KCTD1: variants seen among roughly 807,000 people sequenced by gnomAD.
KCTD1 encodes the protein BTB/POZ domain-containing protein KCTD1.
A neutral mutation model predicts 66.0 loss-of-function variants in KCTD1; 24 were observed. That is an observed-to-expected ratio of 0.36 (90% CI 0.26 to 0.51). The LOEUF is 0.51. Among genes scored for constraint, KCTD1 ranks in the 20% least tolerant of loss-of-function variants. KCTD1 has a pLI of 0.95. For synonymous variants in KCTD1, 511 were observed against 517.2 expected (o/e 0.99, Z 0.16); for missense variants, 943 against 1,205.2 (o/e 0.78, Z 3.22).
chr18:26,459,744 A>T lies in KCTD1; in HGVS notation c.2315T>A (p.Ile772Lys). ...GCCGATCTCTGGAAATACTTCTTCTATCAAGGATTTGTCACCGCTTAGCGT... is the reference window on the plus strand; with the variant it reads ...GCCGATCTCTGGAAATACTTCTTCTTTCAAGGATTTGTCACCGCTTAGCGT... ...RITLSGDKSL[I>K]EEVFPEIGDV... Residue 772 changes from isoleucine (I) to lysine (K), a missense_variant, in exon 4 of 5, where the codon ATA becomes AAA. By Grantham distance (102) the Ile-to-Lys change is moderately radical (BLOSUM62 -3). Coordinates refer to ENST00000580059, the MANE Select transcript of KCTD1 (RefSeq NM_001142730.3). 6.2e-7 allele frequency: 1 copy of T among 1,614,180 alleles called. No homozygotes were observed. The highest frequency in any genetic ancestry group is 8.5e-7 in the Non-Finnish European group (1 of 1,180,026).
At chr18:26,592,915 T>C (rs1309803051) in intron 1 of KCTD1, among the ~76,000 whole-genome samples, 1 of 152,204 alleles carries the variant, frequency 6.6e-6, no homozygotes, top group East Asian at 1.9e-4. Context: ...GTCTGTGACA[T>C]AGTATTTTGC....
At chr18:26,638,246 C>A (rs754302228) in intron 1 of KCTD1, among the ~76,000 whole-genome samples, 1 of 152,208 alleles carries the variant, frequency 6.6e-6, no homozygotes, top group Admixed American at 6.5e-5. Flanking sequence ...CAAGTTCATT[C>A]TATTCATAAC....
upstream of KCTD1, among the ~76,000 whole-genome samples, chr18:26,631,507 T>C (rs1347980205): frequency 1.3e-5 from 2 of 152,172 alleles, no homozygotes; most frequent in African/African-American, 2.4e-5. Context: ...TCTAATCTAA[T>C]GGGACCACTA....
intron 1 of KCTD1, among the ~76,000 whole-genome samples, chr18:26,525,032 A>G (rs563903419): frequency 7.2e-5 from 11 of 152,284 alleles, no homozygotes; most frequent in African/African-American, 2.6e-4. Context: ...TTTCCCTAAA[A>G]AAAACTCTCT....
chr18:26,523,194 A>C (rs1045834959), intron 1 of KCTD1, among the ~76,000 whole-genome samples: 2 of 152,182 alleles, frequency 1.3e-5, no homozygotes, highest in African/African-American at 4.8e-5. Context: ...GATTTGGGAA[A>C]CACTGAGTTA....
intron 1 of KCTD1, among the ~76,000 whole-genome samples, chr18:26,504,328 C>G (rs549900683): frequency 6.6e-6 from 1 of 152,304 alleles, no homozygotes; most frequent in East Asian, 1.9e-4. Context: ...TTCCCAGGCT[C>G]AAGCGATTCT....
At chr18:26,531,171 A>C (rs1456469633) in intron 1 of KCTD1, among the ~76,000 whole-genome samples, 1 of 152,188 alleles carries the variant, frequency 6.6e-6, no homozygotes, top group African/African-American at 2.4e-5. Context: ...AACTACTCTG[A>C]TTATGGCAAA....
At chr18:26,554,830 G>A (rs1316638469) in intron 1 of KCTD1, among the ~76,000 whole-genome samples, 3 of 152,000 alleles carry the variant, frequency 2.0e-5, no homozygotes, top group Admixed American at 6.6e-5. Flanking sequence ...GGTTTTTATC[G>A]AGCCTAAGAG....
chr18:26,459,005 A>G (rs1233669492), intron 4 of KCTD1: 1 of 152,288 alleles, frequency 6.6e-6, no homozygotes, highest in Non-Finnish European at 1.5e-5. Flanking sequence ...TGCCAAAATA[A>G]ACAATCCTAG....
intron 1 of KCTD1, among the ~76,000 whole-genome samples, chr18:26,578,057 C>CTTTTTTTTTTTTTTTT (rs11381611): frequency 8.5e-6 from 1 of 117,034 alleles, no homozygotes; most frequent in Non-Finnish European, 1.7e-5. Context: ...TCTTTTCTTT[C>CTTTTTTTTTTTTTTTT]TTTTTTTTTT....
At chr18:26,527,978 T>C (rs1417145399) in intron 1 of KCTD1, among the ~76,000 whole-genome samples, 1 of 152,192 alleles carries the variant, frequency 6.6e-6, no homozygotes, top group Non-Finnish European at 1.5e-5. Flanking sequence ...AGAAACTCTC[T>C]CTGCATACAG....
chr18:26,524,495 T>A (rs1372405223), intron 1 of KCTD1, among the ~76,000 whole-genome samples: 2 of 152,246 alleles, frequency 1.3e-5, no homozygotes, highest in Admixed American at 1.3e-4. Context: ...ATTATTTACA[T>A]GAGCCCCCAA....
At chr18:26,490,801 G>C (rs1982156451) in intron 2 of KCTD1, among the ~76,000 whole-genome samples, 1 of 152,106 alleles carries the variant, frequency 6.6e-6, no homozygotes, top group African/African-American at 2.4e-5. Context: ...CCCAGGGTCT[G>C]AAGTACAGTA....
intron 1 of KCTD1, chr18:26,545,005 T>G (rs1985143613): frequency 6.6e-6 from 1 of 152,170 alleles, no homozygotes; most frequent in East Asian, 1.9e-4. Flanking sequence ...CTCAGGTAAA[T>G]AAAAGATAAT....
At chr18:26,598,497 C>CACACACACACA in intron 1 of KCTD1, among the ~76,000 whole-genome samples, 2 of 151,528 alleles carry the variant, frequency 1.3e-5, no homozygotes, top group Middle Eastern at 6.8e-3. Flanking sequence ...CACACACACA[C>CACACACACACA]GTTTTTGATT....
At chr18:26,500,898 G>A (rs1014390024) in intron 2 of KCTD1, among the ~76,000 whole-genome samples, 174 bp downstream of exon 2, 4 of 152,106 alleles carry the variant, frequency 2.6e-5, no homozygotes, top group African/African-American at 7.2e-5. Context: ...ATCCTGATTC[G>A]AAGATGTCCA....
chr18:26,595,113 C>T (rs1986736787), intron 1 of KCTD1, among the ~76,000 whole-genome samples: 1 of 152,050 alleles, frequency 6.6e-6, no homozygotes, highest in African/African-American at 2.4e-5. Flanking sequence ...CCCTTTTCCT[C>T]GATGTATAAC....
At chr18:26,593,948 G>C (rs909026458) in intron 1 of KCTD1, among the ~76,000 whole-genome samples, 7 of 152,042 alleles carry the variant, frequency 4.6e-5, no homozygotes, top group Admixed American at 3.3e-4. Flanking sequence ...AAGAGAAGGG[G>C]GGGAGAAGCA....
intron 1 of KCTD1, among the ~76,000 whole-genome samples, chr18:26,610,941 C>T (rs1291811581): frequency 6.6e-6 from 1 of 152,002 alleles, no homozygotes; most frequent in African/African-American, 2.4e-5. Flanking sequence ...GTTCATTGTT[C>T]ATGCTTCTTG....
Sources: allele counts gnomAD v4.1 joint callset (sites outside exome capture counted in the v4.1 genomes callset), GRCh38; gene constraint gnomAD v4.1.1; transcripts MANE v1.5; gene names NCBI Gene and HGNC (gene_info 2026-07-23, HGNC 2026-07-21).